PUDP: variants seen among roughly 807,000 people sequenced by gnomAD.
The protein encoded by PUDP is pseudouridine-5'-phosphatase.
In PUDP, 8 loss-of-function variants were observed where a neutral mutation model predicts 9.4. That is an observed-to-expected ratio of 0.85 (90% CI 0.50 to 1.53). The LOEUF is 1.53. PUDP is among the 40% of genes most tolerant of loss of function. The pLI is 0.00. For synonymous variants in PUDP, 99 were observed against 80.7 expected, an observed-to-expected ratio of 1.23 and a Z score of -1.22; for missense variants, 188 against 189.7, an observed-to-expected ratio of 0.99 and a Z score of 0.05.
At chrX:6,945,859 T>C (rs1663317803) in intron 3 of PUDP, among the ~76,000 whole-genome samples, 1 of 111,546 alleles carries the variant, frequency 9.0e-6, no homozygotes, top group African/African-American at 3.3e-5. Context: ...ACTGACTTAA[T>C]GAAACATCTC....
chrX:6,991,615 C>T (rs1200087982), intron 1 of PUDP, among the ~76,000 whole-genome samples: 5 of 107,056 alleles, frequency 4.7e-5, no homozygotes, highest in African/African-American at 1.7e-4. Context: ...GAGGTTGAGG[C>T]TACTGTGAGC....
At chrX:6,753,351 G>C (rs1195651382) in intron 3 of PUDP, among the ~76,000 whole-genome samples, 14 of 112,462 alleles carry the variant, frequency 1.2e-4, no homozygotes, top group African/African-American at 4.5e-4. Flanking sequence ...ATACACCACA[G>C]TTTCTTTATC....
chrX:7,134,936 A>T (rs1403141921), intron 1 of PUDP, among the ~76,000 whole-genome samples: 1 of 112,488 alleles, frequency 8.9e-6, no homozygotes, highest in Admixed American at 9.4e-5. Context: ...TTTCCTTTTA[A>T]AAAGCAAGAG....
intron 3 of PUDP, among the ~76,000 whole-genome samples, chrX:6,739,359 G>GTAACCGCT (rs1287317088): frequency 8.9e-6 from 1 of 111,953 alleles, no homozygotes; most frequent in Admixed American, 9.5e-5. Flanking sequence ...GCTTTTCTGA[G>GTAACCGCT]TAACCGCTTC....
At chrX:6,916,329 C>T (rs1293872799) in intron 3 of PUDP, among the ~76,000 whole-genome samples, 1 of 108,658 alleles carries the variant, frequency 9.2e-6, no homozygotes, top group Non-Finnish European at 1.9e-5. Flanking sequence ...TTGTGCTGAG[C>T]CTGATTATGC....
chrX:6,761,138 C>G (rs1188650895), intron 3 of PUDP, among the ~76,000 whole-genome samples: 2 of 112,076 alleles, frequency 1.8e-5, no homozygotes, highest in Non-Finnish European at 3.8e-5. Flanking sequence ...TGAGATAGGG[C>G]ATGTCAAGTG....
intron 1 of PUDP, among the ~76,000 whole-genome samples, chrX:7,008,940 C>T (rs1929440289): frequency 8.9e-6 from 1 of 112,348 alleles, no homozygotes; most frequent in African/African-American, 3.2e-5. Context: ...TAACTATTTA[C>T]ATTTTCTAAT....
Position 6,876,714 on chromosome X carries a change from T to C in PUDP, c.*247+100419A>G. On this transcript the variant is annotated intron_variant and NMD_transcript_variant, in intron 3 of 3. Coordinates refer to the PUDP transcript ENST00000655425. ...GTACATATATGTGTCTATACATATA[T>C]GTCTATACATGTAGATGCACATGTG... 3.7e-5 allele frequency among the ~76,000 whole-genome samples: 4 copies of C among 108,229 alleles called. No individual in the cohort carries two copies. The South Asian group carries it at 1.7e-3, about 46-fold the overall frequency. 94.0% of individuals were successfully genotyped at this position (108,229 alleles called of 115,157 possible).
chrX:7,143,041 C>A (rs1932812521), intron 1 of PUDP, among the ~76,000 whole-genome samples: 1 of 111,532 alleles, frequency 9.0e-6, no homozygotes, highest in Non-Finnish European at 1.9e-5. Context: ...GCCACCCCAA[C>A]CTTCAGCAAC....
chrX:6,860,370 G>T (rs959219826), intron 3 of PUDP, among the ~76,000 whole-genome samples: 7 of 110,498 alleles, frequency 6.3e-5, no homozygotes, highest in African/African-American at 2.3e-4. Flanking sequence ...AAACTTCTGG[G>T]CTCATGTGAT....
intron 3 of PUDP, among the ~76,000 whole-genome samples, chrX:7,070,979 A>G (rs1218406570): frequency 1.8e-5 from 2 of 112,456 alleles, no homozygotes; most frequent in Non-Finnish European, 3.8e-5. Context: ...GCTCACACTG[A>G]CAGCCTGCCT....
intron 1 of PUDP, among the ~76,000 whole-genome samples, chrX:6,998,164 T>C (rs1437936767): frequency 1.8e-5 from 2 of 111,589 alleles, no homozygotes; most frequent in African/African-American, 6.5e-5. Flanking sequence ...TCTCTGGCTG[T>C]CTCCTGTTGG....
chrX:6,777,959 T>G (rs1197323857), intron 3 of PUDP, among the ~76,000 whole-genome samples: 1 of 112,242 alleles, frequency 8.9e-6, no homozygotes, highest in Non-Finnish European at 1.9e-5. Context: ...AGCAATAGTC[T>G]ACTATAGTGC....
intron 3 of PUDP, among the ~76,000 whole-genome samples, chrX:6,924,943 C>T (rs1404738872): frequency 8.9e-6 from 1 of 112,132 alleles, no homozygotes; most frequent in African/African-American, 3.2e-5. Flanking sequence ...AGACGAGCTG[C>T]TGTTATGTGT....
At chrX:7,072,845 C>T (rs1380831353) in intron 3 of PUDP, among the ~76,000 whole-genome samples, 1 of 109,359 alleles carries the variant, frequency 9.1e-6, no homozygotes, top group Non-Finnish European at 1.9e-5. Context: ...AACTGATTTC[C>T]GATTTCTGGT....
chrX:7,071,928 C>T (rs987205227), intron 3 of PUDP, among the ~76,000 whole-genome samples: 1 of 110,299 alleles, frequency 9.1e-6, no homozygotes, highest in Non-Finnish European at 1.9e-5. Flanking sequence ...AGGCAGGCGC[C>T]ACCACACCTG....
intron 3 of PUDP, among the ~76,000 whole-genome samples, chrX:6,752,579 T>C (rs757743391): frequency 9.0e-6 from 1 of 111,714 alleles, no homozygotes; most frequent in Non-Finnish European, 1.9e-5. Context: ...GAAGTAAAGG[T>C]GGCACTAAGG....
upstream of PUDP, among the ~76,000 whole-genome samples, chrX:6,723,971 T>G (rs1173963262): frequency 3.4e-4 from 38 of 111,637 alleles, no homozygotes; most frequent in Non-Finnish European, 9.4e-5. Flanking sequence ...AGAAGCTCAG[T>G]TGATTGGGTT....
At chrX:7,036,729 T>A (rs1929857978) in intron 1 of PUDP, among the ~76,000 whole-genome samples, 1 of 111,614 alleles carries the variant, frequency 9.0e-6, no homozygotes, top group African/African-American at 3.3e-5. Context: ...TCTGAGGCTC[T>A]GCCTATTCCG....
Sources: allele counts gnomAD v4.1 joint callset (sites outside exome capture counted in the v4.1 genomes callset), GRCh38; gene constraint gnomAD v4.1.1; transcripts MANE v1.5; gene names NCBI Gene and HGNC (gene_info 2026-07-23, HGNC 2026-07-21).